The following ASAH1 variants were observed in gnomAD, a reference collection of about 807,000 sequenced individuals.
The protein encoded by ASAH1 is acid ceramidase.
Under a neutral mutation model 59.5 loss-of-function variants are expected in ASAH1, and 70 were observed. That is an observed-to-expected ratio of 1.18 (90% confidence interval 0.97 to 1.43). The LOEUF (loss-of-function observed/expected upper bound fraction) is 1.43, where lower values mean the gene tolerates loss of function less well. Among genes scored for constraint, ASAH1 ranks in the 40% most tolerant of loss-of-function variants. The probability of loss-of-function intolerance (pLI) is 0.00; values close to 1 mark genes in which losing one functional copy is unlikely to be tolerated. For synonymous variants in ASAH1, 213 were observed against 166.5 expected, an observed-to-expected ratio of 1.28 and a Z score of -2.15; for missense variants, 660 against 482.5, an observed-to-expected ratio of 1.37 and a Z score of -3.45.
chr8:18,076,683 C>G (rs1281729936), intron 1 of ASAH1: 1 of 152,130 alleles, frequency 6.6e-6, no homozygotes, highest in Non-Finnish European at 1.5e-5. Flanking sequence ...GCTCAGAAAA[C>G]TCTTGGAACT....
chr8:18,058,616 C>G (rs113065439), intron 13 of ASAH1: 5 of 571,136 alleles, frequency 8.8e-6, no homozygotes, highest in African/African-American at 5.6e-5. Flanking sequence ...GTAAATAAAG[C>G]TATAAACAAT....
chr8:18,061,840 G>C, intron 8 of ASAH1, 100 bp from the exon 9 acceptor site: 1 of 1,111,060 alleles, frequency 9.0e-7, no homozygotes, highest in East Asian at 2.6e-5. Flanking sequence ...GGCCTAGCTT[G>C]GGTAATGGGG....
intron 5 of ASAH1, 143 bp downstream of exon 5, chr8:18,067,077 C>A: frequency 9.7e-6 from 2 of 205,370 alleles, no homozygotes; most frequent in Non-Finnish European, 2.2e-5. Context: ...TGAAGCTTCA[C>A]TGAGCTGTAT....
intron 2 of ASAH1, chr8:18,073,205 G>A (rs1800246601): frequency 1.4e-6 from 2 of 1,477,206 alleles, no homozygotes; most frequent in East Asian, 4.5e-5. Flanking sequence ...AAACATTTCA[G>A]TATTTAACTT....
chr8:18,081,209 T>G (rs1354212829), intron 1 of ASAH1, among the ~76,000 whole-genome samples: 1 of 152,184 alleles, frequency 6.6e-6, no homozygotes, highest in Non-Finnish European at 1.5e-5. Context: ...CAGGTCACGC[T>G]GACACCTCAC....
In ASAH1 at chr8:18,057,214, T is replaced by C; in HGVS notation, c.*320A>G. ...TTCAACACCCACGCTGAATCTCCAT[T>C]TATTCCACGGAGGTGGAGTTCACCA... On this transcript the variant is annotated 3_prime_UTR_variant, in exon 14 of 14. Transcript: ENST00000637790. The C allele has an allele frequency of 6.4e-6, 2 of 311,442 alleles. No individual in the cohort carries two copies. The highest frequency in any genetic ancestry group is 5.7e-5 in the South Asian group (2 of 35,326). The allele number at this position is 311,442 out of a possible 1,614,324, so 19.3% of individuals were successfully genotyped here. A position where few individuals can be genotyped will look rare whatever the true frequency, so the allele number is the denominator to read the frequency against.
At chr8:18,057,903 C>T (rs1799536820) in intron 13 of ASAH1, 3 of 175,686 alleles carry the variant, frequency 1.7e-5, no homozygotes. Context: ...AAAGAATCTC[C>T]AGCTCCTTAT....
chr8:18,058,782 T>G, intron 13 of ASAH1, 53 bp downstream of exon 13: 3 of 1,472,264 alleles, frequency 2.0e-6, no homozygotes, highest in Non-Finnish European at 2.9e-6. Flanking sequence ...AGATAAAACA[T>G]AGGGCCAAAT....
At chr8:18,062,964 A>G (rs566894412) in intron 7 of ASAH1, 70 of 498,092 alleles carry the variant, frequency 1.4e-4, no homozygotes, top group African/African-American at 1.2e-3. Context: ...TCCGCCTCGC[A>G]GGTTCAAAAA....
intron 2 of ASAH1, 39 bp from the exon 3 acceptor site, chr8:18,071,429 G>C (rs757553588): frequency 1.5e-6 from 2 of 1,327,872 alleles, no homozygotes; most frequent in Non-Finnish European, 2.1e-6. Context: ...TGATGAAAGG[G>C]TTTTTTGTGA....
intron 1 of ASAH1, among the ~76,000 whole-genome samples, chr8:18,082,942 T>A (rs1800717497): frequency 6.6e-6 from 1 of 152,176 alleles, no homozygotes; most frequent in African/African-American, 2.4e-5. Flanking sequence ...CACATACATG[T>A]TCTGTGTATT....
chr8:18,075,450 A>G, intron 2 of ASAH1, 91 bp downstream of exon 2: 2 of 1,300,424 alleles, frequency 1.5e-6, no homozygotes, highest in Non-Finnish European at 2.2e-6. Flanking sequence ...TTAAGATTTT[A>G]TTCACTATCG....
chr8:18,075,430 G>T, intron 2 of ASAH1, 111 bp downstream of exon 2: 3 of 1,169,014 alleles, frequency 2.6e-6, no homozygotes, highest in South Asian at 1.2e-5. Flanking sequence ...CTCGGAATGG[G>T]AAACATGACT....
chr8:18,073,548 G>C (rs1800263996), intron 2 of ASAH1, among the ~76,000 whole-genome samples: 1 of 152,220 alleles, frequency 6.6e-6, no homozygotes, highest in Non-Finnish European at 1.5e-5. Context: ...CCCGTGAGCA[G>C]TGGGAAAGAA....
chr8:18,076,457 A>C (rs1431629927), intron 1 of ASAH1: 2 of 152,236 alleles, frequency 1.3e-5, no homozygotes, highest in African/African-American at 4.8e-5. Flanking sequence ...AAGTTGTCCA[A>C]GCTTAGTGGC....
In ASAH1 at chr8:18,076,686, T is replaced by C. The variant is rs964230691; in HGVS notation, c.79-1099A>G. ...ACTGTAGCTTGAGCTCAGAAAACTC[T>C]TGGAACTGTAGCTTGAGCTCAGAAA... On this transcript the variant is annotated intron_variant, in intron 1 of 13. Coordinates refer to ENST00000637790, the MANE Select transcript of ASAH1 (RefSeq NM_177924.5). The C allele has an allele frequency of 3.9e-5, 6 of 152,090 alleles. 1 individual carries two copies. Among genetic ancestry groups the C allele is most frequent in the African/African-American group, 1.4e-4 (6 of 41,390 alleles). 9.4% of individuals were successfully genotyped at this position (152,090 alleles called of 1,614,324 possible). A position where few individuals can be genotyped will look rare whatever the true frequency, so the allele number is the denominator to read the frequency against.
At chr8:18,062,219 T>C (rs1482114682) in intron 8 of ASAH1, 60 bp downstream of exon 8, 6 of 1,611,256 alleles carry the variant, frequency 3.7e-6, no homozygotes, top group Non-Finnish European at 4.2e-6. Context: ...TTTCAACTTT[T>C]ACATAACGGT....
intron 1 of ASAH1, chr8:18,075,958 T>C: frequency 3.0e-6 from 1 of 327,926 alleles, no homozygotes; most frequent in South Asian, 2.6e-5. Context: ...ACCAGCCATG[T>C]GTGTTGCAAC....
chr8:18,084,305 G>A, upstream of ASAH1: 2 of 1,429,794 alleles, frequency 1.4e-6, no homozygotes, highest in South Asian at 1.5e-5. Context: ...GGAGAGTCGC[G>A]ATCGCCTTTG....
Sources: gnomAD v4.1 joint callset for allele counts (sites outside exome capture counted in the v4.1 genomes callset) on GRCh38, gnomAD v4.1.1 for gene constraint, MANE v1.5 for transcripts, NCBI Gene and HGNC (gene_info 2026-07-23, HGNC 2026-07-21) for gene names.